USO1: variants seen among roughly 807,000 people sequenced by gnomAD.
USO1 encodes the protein general vesicular transport factor p115.
USO1 carries 57 observed loss-of-function variants against 124.5 expected under a neutral mutation model. That is an observed-to-expected ratio of 0.46 (90% confidence interval 0.37 to 0.57). The LOEUF (loss-of-function observed/expected upper bound fraction) is 0.57, where lower values mean the gene tolerates loss of function less well. USO1 is among the 20% of genes least tolerant of loss of function. The pLI is 0.00. For synonymous variants in USO1, 369 were observed against 362.8 expected, an observed-to-expected ratio of 1.02 and a Z score of -0.19; for missense variants, 900 against 1,040.6, an observed-to-expected ratio of 0.86 and a Z score of 1.86.
intron 1 of USO1, among the ~76,000 whole-genome samples, chr4:75,747,578 A>T (rs867943826): frequency 1.3e-5 from 2 of 148,872 alleles, no homozygotes; most frequent in Admixed American, 6.7e-5. Flanking sequence ...CTCAGCCATA[A>T]GTTGTTCTTA....
At chr4:75,762,261 C>G (rs1176144164) in intron 4 of USO1, among the ~76,000 whole-genome samples, 1 of 146,282 alleles carries the variant, frequency 6.8e-6, no homozygotes, top group Non-Finnish European at 1.5e-5. Flanking sequence ...ACCTCTGCCT[C>G]CTGTATTCAA....
chr4:75,783,018 G>A (rs1324536487), intron 9 of USO1, among the ~76,000 whole-genome samples, 160 bp downstream of exon 9: 2 of 152,136 alleles, frequency 1.3e-5, no homozygotes, highest in African/African-American at 4.8e-5. Flanking sequence ...TCTAGCTAGA[G>A]ATCTTGCCTA....
chr4:75,743,488 T>C (rs1721026416), intron 1 of USO1, among the ~76,000 whole-genome samples: 1 of 152,128 alleles, frequency 6.6e-6, no homozygotes, highest in Non-Finnish European at 1.5e-5. Context: ...TCAGTCACGG[T>C]CTCACTTCCC....
At chr4:75,746,535 A>C (rs2149148906) in intron 1 of USO1, among the ~76,000 whole-genome samples, 1 of 152,360 alleles carries the variant, frequency 6.6e-6, no homozygotes, top group Middle Eastern at 3.4e-3. Flanking sequence ...GGTAAATATC[A>C]ACAGAAAAAT....
At chr4:75,806,823 A>T (rs897451401) in intron 20 of USO1, among the ~76,000 whole-genome samples, 1 of 152,188 alleles carries the variant, frequency 6.6e-6, no homozygotes, top group Non-Finnish European at 1.5e-5. Context: ...TTTATAGATT[A>T]TCAGTGAACT....
Position 75,813,419 on chromosome 4 carries a change from T to G in USO1, c.*124T>G. The G allele has an allele frequency of 1.9e-6, 2 of 1,062,980 alleles. No homozygotes were observed. Among genetic ancestry groups the G allele is most frequent in the Non-Finnish European group, 2.5e-6 (2 of 804,130 alleles). The allele number at this position is 1,062,980 out of a possible 1,614,324, so 65.8% of individuals were successfully genotyped here. A position where few individuals can be genotyped will look rare whatever the true frequency, so the allele number is the denominator to read the frequency against. On this transcript the variant is annotated 3_prime_UTR_variant, in exon 24 of 24. Transcript: ENST00000514213. ...GGTGGAAAACATTCACTATTAAGAC[T>G]ATTGATATATTTTTGTAATGTTGCC...
At chr4:75,761,099 A>T (rs1721592986) in intron 4 of USO1, among the ~76,000 whole-genome samples, 1 of 152,154 alleles carries the variant, frequency 6.6e-6, no homozygotes, top group Admixed American at 6.5e-5. Flanking sequence ...GTGAGCTAAG[A>T]TTGTGCCACT....
Position 75,752,396 on chromosome 4 carries a change from A to G in USO1, c.90A>G (p.Val30=). Residue 30 remains valine (V), a synonymous_variant, in exon 2 of 24, where the codon GTA becomes GTG. Transcript: ENST00000514213. ...AGATTCAAAAGCTTTGTGACAGAGT[A>G]GCTTCATCTACTTTATTGGATGATC... ...AETIQKLCDR[V]ASSTLLDDRR... 2 of 398,396 alleles carry G rather than the reference A, an allele frequency of 5.0e-6. No homozygotes were observed. The highest frequency in any genetic ancestry group is 4.4e-5 in the Admixed American group (1 of 22,716). 24.7% of individuals were successfully genotyped at this position (398,396 alleles called of 1,614,324 possible).
rs397801281 is a variant in USO1, at chr4:75,765,651, T to TTC, written c.296-4788_296-4787insTC. Among the ~76,000 whole-genome samples, 353 of 151,506 alleles carry TTC rather than the reference T, an allele frequency of 2.3e-3. 1 individual carries two copies. Among genetic ancestry groups the TTC allele is most frequent in the African/African-American group, 8.2e-3 (338 of 41,344 alleles). Reference sequence around the variant, plus strand: ...TGGTACCAGTTCTTTTTTTTTTTTTTCCAACTCCATTCATAAGTTCACCTT... The same window carrying TTC: ...TGGTACCAGTTCTTTTTTTTTTTTTTTCCCAACTCCATTCATAAGTTCACCTT... On this transcript the variant is annotated intron_variant, in intron 4 of 23. Transcript: ENST00000514213.
intron 1 of USO1, among the ~76,000 whole-genome samples, chr4:75,728,644 C>T (rs944128856): frequency 6.6e-6 from 1 of 152,118 alleles, no homozygotes; most frequent in Non-Finnish European, 1.5e-5. Flanking sequence ...GAGAGCGAGA[C>T]TGTCTCAAAA....
intron 13 of USO1, among the ~76,000 whole-genome samples, chr4:75,797,573 A>AG (rs1321322670): frequency 6.6e-6 from 1 of 150,780 alleles, no homozygotes; most frequent in Non-Finnish European, 1.5e-5. Context: ...AAAAAAAAAA[A>AG]AAAGCCTTTT....
In USO1 at chr4:75,808,036, A is replaced by G. The variant is rs188668785; in HGVS notation, c.2377-917A>G. On this transcript the variant is annotated intron_variant, in intron 20 of 23. Transcript: ENST00000514213. ...ATGATAGAAATTTTAAAGAGAACCAAAAGAAAAGAGCCTTTTACTTGCCAT... is the reference window on the plus strand; with the variant it reads ...ATGATAGAAATTTTAAAGAGAACCAGAAGAAAAGAGCCTTTTACTTGCCAT... Among the ~76,000 whole-genome samples the G allele has an allele frequency of 2.6e-4, 40 of 152,296 alleles. 1 individual carries two copies. The highest frequency in any genetic ancestry group is 7.9e-4 in the African/African-American group (33 of 41,564).
At chr4:75,736,647 A>G (rs746331024) in intron 1 of USO1, among the ~76,000 whole-genome samples, 4 of 152,074 alleles carry the variant, frequency 2.6e-5, no homozygotes, top group Non-Finnish European at 5.9e-5. Flanking sequence ...TTCCATGTTA[A>G]AACATACAGA....
chr4:75,758,291 G>C (rs976681450), intron 4 of USO1, among the ~76,000 whole-genome samples: 1 of 152,120 alleles, frequency 6.6e-6, no homozygotes, highest in Admixed American at 6.6e-5. Context: ...TATCAAATTG[G>C]CTGTTACAGT....
intron 3 of USO1, chr4:75,755,382 G>C: frequency 2.0e-6 from 1 of 508,504 alleles, no homozygotes; most frequent in Non-Finnish European, 3.9e-6. Context: ...TCTATATGTT[G>C]CAAGAATTAT....
intron 10 of USO1, among the ~76,000 whole-genome samples, chr4:75,789,530 C>CT (rs1722468420): frequency 6.6e-6 from 1 of 152,192 alleles, no homozygotes; most frequent in Non-Finnish European, 1.5e-5. Context: ...CCACCTGGGC[C>CT]TCCCAAAGTG....
chr4:75,751,733 G>A (rs996678979), intron 1 of USO1, among the ~76,000 whole-genome samples: 2 of 151,470 alleles, frequency 1.3e-5, no homozygotes, highest in Non-Finnish European at 1.5e-5. Context: ...CAGGGGGGCC[G>A]AGGCAGTAGA....
chr4:75,786,998 C>G lies in USO1; in HGVS notation c.856-64C>G, dbSNP rs760134606. The G allele has an allele frequency of 1.4e-3, 2,122 of 1,468,904 alleles. 6 individuals are homozygous for G. The highest frequency in any genetic ancestry group is 1.9e-3 in the Non-Finnish European group (2,075 of 1,111,780). 91.0% of individuals were successfully genotyped at this position (1,468,904 alleles called of 1,614,324 possible). A position where few individuals can be genotyped will look rare whatever the true frequency, so the allele number is the denominator to read the frequency against. On this transcript the variant is annotated intron_variant, in intron 9 of 23. Transcript: ENST00000514213. ...TGCAGACTTTCTTGTTCACATAGAT[C>G]AGATTTGCCTCAAGCCTTTTCAAAT...
At position 75,787,199 on chromosome 4, in the gene USO1, TG is replaced by T; in HGVS notation, c.994del (p.Glu332ArgfsTer3). Reference protein sequence around the residue: ...ATGVPADILTETINTVSEVIR... With the variant: ...ATGVPADILTXTINTVSEVIR... ...CTGGGGTTCCTGCTGATATCCTGAC[TG>T]AGGTAAAGCAAATGAAGTCAAAGCC... On this transcript the variant is annotated frameshift_variant and splice_region_variant, in exon 10 of 24. Coordinates refer to ENST00000514213, the MANE Select transcript of USO1 (RefSeq NM_003715.4). LOFTEE classifies it high-confidence loss of function. The T allele has an allele frequency of 6.5e-7, 1 of 1,531,090 alleles. No individual in the cohort carries two copies. The highest frequency in any genetic ancestry group is 1.7e-4 in the Middle Eastern group (1 of 5,770). 94.8% of individuals were successfully genotyped at this position (1,531,090 alleles called of 1,614,324 possible).
Sources: gnomAD v4.1 joint callset for allele counts (sites outside exome capture counted in the v4.1 genomes callset) on GRCh38, gnomAD v4.1.1 for gene constraint, MANE v1.5 for transcripts, NCBI Gene and HGNC (gene_info 2026-07-23, HGNC 2026-07-21) for gene names.